Variants in HECW1 observed in about 807,000 individuals in gnomAD.
The protein encoded by HECW1 is HECT, C2 and WW domain containing E3 ubiquitin protein ligase 1.
HECW1 carries 61 observed loss-of-function variants against 182.3 expected under a neutral mutation model. That is an observed-to-expected ratio of 0.33 (90% CI 0.27 to 0.41). The LOEUF (loss-of-function observed/expected upper bound fraction) is 0.41, where lower values mean the gene tolerates loss of function less well. HECW1 is among the 10% of genes least tolerant of loss of function. The probability of loss-of-function intolerance (pLI) is 1.00; values close to 1 mark genes in which losing one functional copy is unlikely to be tolerated. For missense variants in HECW1, 1,739 were observed against 2,108.9 expected, an observed-to-expected ratio of 0.82 and a Z score of 3.44; for synonymous variants, 859 against 832.6, an observed-to-expected ratio of 1.03 and a Z score of -0.55.
At chr7:43,257,919 G>A (rs988566227) in intron 3 of HECW1, among the ~76,000 whole-genome samples, 2 of 152,114 alleles carry the variant, frequency 1.3e-5, no homozygotes, top group Non-Finnish European at 2.9e-5. Context: ...CACTTGGCAG[G>A]TTTTCATTAA....
intron 6 of HECW1, among the ~76,000 whole-genome samples, chr7:43,386,855 A>G (rs2074821780): frequency 6.6e-6 from 1 of 151,474 alleles, no homozygotes; most frequent in South Asian, 2.1e-4. Context: ...TCACATAAGG[A>G]CAGGTTTTGT....
intron 6 of HECW1, among the ~76,000 whole-genome samples, chr7:43,373,641 A>G (rs1438191240): frequency 6.6e-6 from 1 of 152,136 alleles, no homozygotes; most frequent in Non-Finnish European, 1.5e-5. Flanking sequence ...TAAAATATAC[A>G]TAACAAAATT....
intron 26 of HECW1, among the ~76,000 whole-genome samples, chr7:43,549,813 T>A (rs910987049): frequency 6.6e-6 from 1 of 152,192 alleles, no homozygotes; most frequent in Non-Finnish European, 1.5e-5. Flanking sequence ...CTGATGGCTG[T>A]TAAGAATTTG....
intron 15 of HECW1, 23 bp downstream of exon 15, chr7:43,466,591 G>A: frequency 6.2e-7 from 1 of 1,608,414 alleles, no homozygotes; most frequent in Non-Finnish European, 8.5e-7. Flanking sequence ...AAATGCAGAG[G>A]GGGCGGCCTG....
chr7:43,363,693 A>G (rs952473273), intron 6 of HECW1, among the ~76,000 whole-genome samples: 2 of 152,138 alleles, frequency 1.3e-5, no homozygotes, highest in Non-Finnish European at 2.9e-5. Context: ...TTCACGGGCA[A>G]TTAGGTTTCA....
chr7:43,526,729 A>T (rs2080771443), intron 24 of HECW1, among the ~76,000 whole-genome samples: 1 of 152,220 alleles, frequency 6.6e-6, no homozygotes, highest in African/African-American at 2.4e-5. Flanking sequence ...GGCCAGGTGC[A>T]GTGGCTCACG....
At chr7:43,227,761 G>A (rs192512848) in intron 2 of HECW1, among the ~76,000 whole-genome samples, 40 of 152,218 alleles carry the variant, frequency 2.6e-4, no homozygotes, top group African/African-American at 8.7e-4. Flanking sequence ...AGATTAATAC[G>A]ACTGTATTTT....
intron 5 of HECW1, among the ~76,000 whole-genome samples, chr7:43,336,314 C>T (rs531831782): frequency 2.0e-5 from 3 of 151,764 alleles, no homozygotes; most frequent in Admixed American, 6.6e-5. Flanking sequence ...CACACTCACA[C>T]ACCACCATGC....
At chr7:43,132,039 T>C (rs185412126) in intron 2 of HECW1, among the ~76,000 whole-genome samples, 58 of 152,336 alleles carry the variant, frequency 3.8e-4, no homozygotes, top group African/African-American at 1.3e-3. Flanking sequence ...TAGGTTCAGA[T>C]GCAAAGGCAA....
chr7:43,198,755 A>G (rs142459857), intron 2 of HECW1, among the ~76,000 whole-genome samples: 97 of 149,458 alleles, frequency 6.5e-4, no homozygotes, highest in South Asian at 3.4e-3. Flanking sequence ...CACACACTAT[A>G]GATTTGCACA....
intron 3 of HECW1, among the ~76,000 whole-genome samples, chr7:43,252,609 C>T (rs965556961): frequency 5.3e-5 from 8 of 152,230 alleles, no homozygotes; most frequent in African/African-American, 1.9e-4. Context: ...TTAAAAACTC[C>T]CTTCACCAAT....
At chr7:43,556,115 G>C (rs367564490) in intron 29 of HECW1, among the ~76,000 whole-genome samples, 34 of 152,288 alleles carry the variant, frequency 2.2e-4, no homozygotes, top group African/African-American at 7.7e-4. Context: ...AGGAGCACAG[G>C]GGGTAAGAGC....
chr7:43,137,528 T>TTTTATTTA (rs368972324), intron 2 of HECW1, among the ~76,000 whole-genome samples: 5,332 of 147,362 alleles, frequency 0.036, 173 homozygotes, highest in South Asian at 0.098. Flanking sequence ...TTCTGCCTTC[T>TTTTATTTA]TTTATTTATT....
chr7:43,514,297 T>A lies in HECW1; in HGVS notation c.4019+5176T>A, dbSNP rs556621941. On this transcript the variant is annotated intron_variant, in intron 24 of 29. Transcript: ENST00000395891. ...TATTCCAAATTTCTTTTTTCTTTTCTTTTCTTTTTTTTTTTTTTGAGATGG... is the reference window on the plus strand; with the variant it reads ...TATTCCAAATTTCTTTTTTCTTTTCATTTCTTTTTTTTTTTTTTGAGATGG... 1.8e-3 allele frequency among the ~76,000 whole-genome samples: 250 copies of A among 140,440 alleles called. 1 individual carries two copies. Among genetic ancestry groups the A allele is most frequent in the Middle Eastern group, 3.8e-3 (1 of 264 alleles). 92.1% of individuals were successfully genotyped at this position (140,440 alleles called of 152,430 possible).
chr7:43,456,372 G>A lies in HECW1; in HGVS notation c.2576G>A (p.Arg859His), dbSNP rs368974637. ...GTGAACCGCACAACCACCTGGCAGC[G>A]TCCGACGGCAGCAGCCACCCCGGAT... ...DHVNRTTTWQ[R>H]PTAAATPDGM... Residue 859 changes from arginine to histidine, a missense_variant, in exon 13 of 30, where the codon CGT (arginine) becomes CAT (histidine). By Grantham distance (29) the Arg-to-His change is conservative. Around this residue, in one of 5 missense-constraint regions of HECW1, gnomAD observed 971 missense variants for 1,029.1 expected, o/e 0.94. Coordinates refer to ENST00000395891, the MANE Select transcript of HECW1 (RefSeq NM_015052.5). 29 of 1,613,944 alleles carry A rather than the reference G, an allele frequency of 1.8e-5. No homozygotes were observed. The highest frequency in any genetic ancestry group is 5.5e-5 in the South Asian group (5 of 91,046).
At chr7:43,366,171 A>T (rs1816631224) in intron 6 of HECW1, among the ~76,000 whole-genome samples, 1 of 146,956 alleles carries the variant, frequency 6.8e-6, no homozygotes, top group Non-Finnish European at 1.5e-5. Flanking sequence ...AGATTCATAT[A>T]CTTGTCAGAC....
chr7:43,212,899 A>G (rs1383760485), intron 2 of HECW1, among the ~76,000 whole-genome samples: 2 of 152,224 alleles, frequency 1.3e-5, no homozygotes, highest in Non-Finnish European at 2.9e-5. Flanking sequence ...TGGCTTTGCC[A>G]TTTATATTAT....
At chr7:43,250,756 G>T (rs1488376628) in intron 3 of HECW1, among the ~76,000 whole-genome samples, 2 of 152,232 alleles carry the variant, frequency 1.3e-5, no homozygotes, top group African/African-American at 4.8e-5. Flanking sequence ...TGATTTTTTA[G>T]GTTTGATTTT....
In HECW1 at chr7:43,114,181, A is replaced by G; in HGVS notation, c.-242A>G. 8.2e-7 allele frequency: 1 copy of G among 1,224,610 alleles called. No individual in the cohort carries two copies. Among genetic ancestry groups the G allele is most frequent in the Non-Finnish European group, 1.1e-6 (1 of 931,772 alleles). The allele number at this position is 1,224,610 out of a possible 1,614,324, so 75.9% of individuals were successfully genotyped here. ...GATATCAATGCTATGTTCAGCAGAA[A>G]CGGATACAGCAAGAGCAGCATAGTT... On this transcript the variant is annotated 5_prime_UTR_variant, in exon 2 of 30. Transcript: ENST00000395891.
Sources: allele counts gnomAD v4.1 joint callset (sites outside exome capture counted in the v4.1 genomes callset), GRCh38; gene constraint gnomAD v4.1.1; regional missense constraint gnomAD v4.1.1; transcripts MANE v1.5; gene names NCBI Gene and HGNC (gene_info 2026-07-23, HGNC 2026-07-21).